MYH15: variants seen among roughly 807,000 people sequenced by gnomAD.
MYH15 encodes myosin heavy chain 15.
MYH15 carries 227 observed loss-of-function variants against 240.5 expected under a neutral mutation model. That is an observed-to-expected ratio of 0.94 (90% CI 0.85 to 1.05). The LOEUF (loss-of-function observed/expected upper bound fraction) is 1.05. MYH15 is among the 50% of genes least tolerant of loss of function. The pLI, the probability that MYH15 is intolerant of heterozygous loss-of-function variation, is 0.00. For synonymous variants in MYH15, 785 were observed against 796.7 expected (o/e 0.99, Z 0.25); for missense variants, 2,217 against 2,247.5 (o/e 0.99, Z 0.27).
chr3:108,439,150 G>A (rs2082865216), intron 24 of MYH15, among the ~76,000 whole-genome samples: 1 of 152,138 alleles, frequency 6.6e-6, no homozygotes, highest in Non-Finnish European at 1.5e-5. Flanking sequence ...GTCAGCTGGG[G>A]TGGGAAAAAG....
intron 1 of MYH15, among the ~76,000 whole-genome samples, chr3:108,524,434 C>A (rs2083649942): frequency 6.6e-6 from 1 of 151,840 alleles, no homozygotes; most frequent in African/African-American, 2.4e-5. Flanking sequence ...TGCAATTGTT[C>A]TTTGTACATT....
chr3:108,487,352 C>A (rs2083314496), intron 9 of MYH15, among the ~76,000 whole-genome samples: 1 of 152,164 alleles, frequency 6.6e-6, no homozygotes, highest in African/African-American at 2.4e-5. Context: ...ATGTTCATAG[C>A]AGTTTTGTTA....
intron 1 of MYH15, among the ~76,000 whole-genome samples, chr3:108,526,666 T>G (rs867779107): frequency 1.3e-5 from 2 of 152,172 alleles, no homozygotes; most frequent in African/African-American, 4.8e-5. Flanking sequence ...AGAATAGATT[T>G]TAAAATATCC....
intron 1 of MYH15, among the ~76,000 whole-genome samples, chr3:108,527,025 T>G (rs2083677649): frequency 6.6e-6 from 1 of 152,188 alleles, no homozygotes; most frequent in Non-Finnish European, 1.5e-5. Context: ...TGCTTTCAGT[T>G]GTTCTTAAAA....
At chr3:108,432,636 C>T (rs971489872) in intron 25 of MYH15, among the ~76,000 whole-genome samples, 1 of 152,264 alleles carries the variant, frequency 6.6e-6, no homozygotes, top group East Asian at 1.9e-4. Flanking sequence ...CCCCGTGCTG[C>T]GTGCAGCCTA....
the MYH15 span, among the ~76,000 whole-genome samples, chr3:108,549,493 G>A: frequency 1.1e-3 from 167 of 151,924 alleles, 1 homozygote; most frequent in Middle Eastern, 0.01. Context: ...TTAAGAAAGG[G>A]CTACTACATA....
Position 108,380,376 on chromosome 3 carries a change from T to A in MYH15, c.*1169A>T, listed in dbSNP as rs557788943. 1 of 152,506 alleles carries A rather than the reference T, an allele frequency of 6.6e-6. No individual in the cohort carries two copies. The highest frequency in any genetic ancestry group is 6.5e-5 in the Admixed American group (1 of 15,294). The allele number at this position is 152,506 out of a possible 1,614,324, so 9.4% of individuals were successfully genotyped here. ...GAGGCAGAATCAGAGAATGACAGAA[T>A]AAAGATTTATTATAGAGCTTCAGCC... is the stretch of plus-strand genomic sequence containing the variant. On this transcript the variant is annotated 3_prime_UTR_variant, in exon 41 of 41. Coordinates refer to ENST00000693548, the MANE Select transcript of MYH15 (RefSeq NM_014981.3).
At chr3:108,416,104 CACAA>C (rs1576219629) in intron 29 of MYH15, among the ~76,000 whole-genome samples, 2 of 152,072 alleles carry the variant, frequency 1.3e-5, no homozygotes, top group Admixed American at 6.5e-5. Context: ...ATGTCTGATG[CACAA>C]ACAATGATAC....
At chr3:108,464,284 T>C (rs536075425) in intron 15 of MYH15, among the ~76,000 whole-genome samples, 1 of 152,276 alleles carries the variant, frequency 6.6e-6, no homozygotes, top group African/African-American at 2.4e-5. Flanking sequence ...TAAAAAAATC[T>C]TCAACAAAAA....
At chr3:108,393,923 A>G in intron 36 of MYH15, 108 bp downstream of exon 36, 3 of 1,512,430 alleles carry the variant, frequency 2.0e-6, no homozygotes, top group South Asian at 2.4e-5. Flanking sequence ...CCCTGGCTGT[A>G]TGGGAAATCA....
chr3:108,546,992 T>C, the MYH15 span, among the ~76,000 whole-genome samples: 2 of 151,946 alleles, frequency 1.3e-5, no homozygotes, highest in Admixed American at 6.6e-5. Flanking sequence ...ATTTATGGAG[T>C]ACAGAGGTAT....
chr3:108,489,192 T>C (rs763247011), intron 9 of MYH15, among the ~76,000 whole-genome samples: 6 of 152,206 alleles, frequency 3.9e-5, no homozygotes, highest in Non-Finnish European at 7.3e-5. Flanking sequence ...CAAATATTTT[T>C]TCCTGTTCAT....
chr3:108,492,694 C>T lies in MYH15; in HGVS notation c.776-99G>A, dbSNP rs183856380. The T allele has an allele frequency of 1.3e-5, 11 of 835,116 alleles. No homozygotes were observed. The East Asian group carries it at 3.0e-4, about 22-fold the overall frequency. 51.7% of individuals were successfully genotyped at this position (835,116 alleles called of 1,614,324 possible). ...GAGCGCAGTGGCTCACAACTGTAAT[C>T]CCAGCATTTTGGGAGGCCAAGGCAG... On this transcript the variant is annotated intron_variant, in intron 8 of 40. Coordinates refer to ENST00000693548, the MANE Select transcript of MYH15 (RefSeq NM_014981.3).
At chr3:108,516,940 TG>T (rs2083577541) in intron 1 of MYH15, among the ~76,000 whole-genome samples, 1 of 152,174 alleles carries the variant, frequency 6.6e-6, no homozygotes, top group African/African-American at 2.4e-5. Context: ...CCCCTCCCAC[TG>T]GGATGTGGCT....
At chr3:108,505,616 T>C (rs2083470081) in intron 2 of MYH15, 107 bp downstream of exon 2, 1 of 530,988 alleles carries the variant, frequency 1.9e-6, no homozygotes, top group African/African-American at 2.0e-5. Flanking sequence ...AGTGAGTCAG[T>C]GGCATCTCCT....
At chr3:108,467,794 A>G (rs1238968998) in intron 14 of MYH15, among the ~76,000 whole-genome samples, 1 of 152,142 alleles carries the variant, frequency 6.6e-6, no homozygotes, top group East Asian at 1.9e-4. Context: ...TAAATTATTG[A>G]TGTACAAGTT....
chr3:108,396,527 C>G (rs1310361319), intron 35 of MYH15, among the ~76,000 whole-genome samples: 1 of 152,328 alleles, frequency 6.6e-6, no homozygotes, highest in East Asian at 1.9e-4. Flanking sequence ...TGCAGCTCAC[C>G]TCCTGCTGTG....
At chr3:108,394,383 T>C (rs1274852373) in intron 35 of MYH15, among the ~76,000 whole-genome samples, 4 of 152,164 alleles carry the variant, frequency 2.6e-5, no homozygotes, top group Admixed American at 2.6e-4. Context: ...GATGGCAGCC[T>C]GAATCAGAAG....
intron 32 of MYH15, among the ~76,000 whole-genome samples, chr3:108,407,958 G>A (rs939382238): frequency 1.3e-5 from 2 of 152,188 alleles, no homozygotes; most frequent in African/African-American, 4.8e-5. Context: ...CGATGTCCAT[G>A]GGCCACATGT....
Sources: gnomAD v4.1 joint callset for allele counts (sites outside exome capture counted in the v4.1 genomes callset) on GRCh38, gnomAD v4.1.1 for gene constraint, MANE v1.5 for transcripts, NCBI Gene and HGNC (gene_info 2026-07-23, HGNC 2026-07-21) for gene names.